KHDRBS2: variants seen among roughly 807,000 people sequenced by gnomAD.
KHDRBS2 encodes KH RNA binding domain containing, signal transduction associated 2.
KHDRBS2 carries 26 observed loss-of-function variants against 44.3 expected under a neutral mutation model. The ratio of observed to expected loss-of-function variants is 0.59; its 90% CI spans 0.43 to 0.81. The LOEUF (loss-of-function observed/expected upper bound fraction) is 0.81. Ranked by LOEUF, KHDRBS2 falls within the 40% of genes least tolerant of loss-of-function variation. KHDRBS2 has a pLI of 0.00. For synonymous variants in KHDRBS2, 194 were observed against 151.1 expected (o/e 1.28, Z -2.08); for missense variants, 476 against 433.1 (o/e 1.10, Z -0.88).
chr6:61,936,663 C>T (rs904817087), intron 4 of KHDRBS2, among the ~76,000 whole-genome samples: 8 of 151,764 alleles, frequency 5.3e-5, no homozygotes, highest in Non-Finnish European at 1.0e-4. Context: ...TTGATAAACT[C>T]TTGTTTATAG....
At chr6:62,166,893 G>T (rs1199774660) in intron 2 of KHDRBS2, among the ~76,000 whole-genome samples, 1 of 152,004 alleles carries the variant, frequency 6.6e-6, no homozygotes, top group Non-Finnish European at 1.5e-5. Flanking sequence ...CTTACTGAAG[G>T]CTCACTGAGT....
At chr6:62,139,204 A>AT (rs1554431173) in intron 2 of KHDRBS2, among the ~76,000 whole-genome samples, 1 of 152,078 alleles carries the variant, frequency 6.6e-6, no homozygotes, top group Non-Finnish European at 1.5e-5. Context: ...CAAGAGAATA[A>AT]ATATATATAT....
At chr6:61,903,307 C>T (rs1345403905) in intron 4 of KHDRBS2, among the ~76,000 whole-genome samples, 2 of 151,940 alleles carry the variant, frequency 1.3e-5, no homozygotes, top group South Asian at 2.1e-4. Flanking sequence ...CATGGATACT[C>T]GGGGTGCTTA....
chr6:61,609,183 C>G, the KHDRBS2 span, among the ~76,000 whole-genome samples: 12 of 152,134 alleles, frequency 7.9e-5, no homozygotes, highest in African/African-American at 2.7e-4. Flanking sequence ...CATGGTGAAA[C>G]CCCATTTCTA....
chr6:61,874,200 T>C (rs1346720535), intron 6 of KHDRBS2, among the ~76,000 whole-genome samples: 1 of 152,138 alleles, frequency 6.6e-6, no homozygotes, highest in African/African-American at 2.4e-5. Context: ...AAATAGTAAC[T>C]AACATTTATT....
chr6:61,822,358 T>C (rs1047359199), intron 6 of KHDRBS2, among the ~76,000 whole-genome samples: 2 of 152,018 alleles, frequency 1.3e-5, no homozygotes, highest in African/African-American at 4.8e-5. Flanking sequence ...GTATATCCAG[T>C]TAATCACTGA....
At position 61,852,696 on chromosome 6, in the gene KHDRBS2, C is replaced by A. The variant is rs141065244; in HGVS notation, c.810+41939G>T. On this transcript the variant is annotated intron_variant, in intron 6 of 8. Coordinates refer to ENST00000281156, the MANE Select transcript of KHDRBS2 (RefSeq NM_152688.4). ...TTATGGAAAGGATTTATAAGGCTAT[C>A]TTTATTTTTAAGAGAATTTTGTAAA... Among the ~76,000 whole-genome samples the A allele has an allele frequency of 2.6e-5, 4 of 151,836 alleles. No homozygotes were observed. In the East Asian group the frequency reaches 7.7e-4, roughly 29 times the overall value.
intron 3 of KHDRBS2, among the ~76,000 whole-genome samples, chr6:61,979,879 C>T (rs556914224): frequency 6.6e-6 from 1 of 152,118 alleles, no homozygotes; most frequent in Non-Finnish European, 1.5e-5. Flanking sequence ...TCAGAGATTT[C>T]TTGACACTGT....
chr6:62,074,627 G>A lies in KHDRBS2; in HGVS notation c.220-26633C>T, dbSNP rs554129539. Among the ~76,000 whole-genome samples the A allele has an allele frequency of 1.3e-4, 19 of 151,720 alleles. No homozygotes were observed. The South Asian group carries it at 3.1e-3, about 25-fold the overall frequency. On this transcript the variant is annotated intron_variant, in intron 2 of 8. Coordinates refer to ENST00000281156, the MANE Select transcript of KHDRBS2 (RefSeq NM_152688.4). ...GAGATGAATGTTTAACTAGATCAAC[G>A]TTTCAAGAACTTTAAAGTTTTTAAA...
chr6:61,931,125 T>G (rs1180913575), intron 4 of KHDRBS2, among the ~76,000 whole-genome samples: 1 of 152,060 alleles, frequency 6.6e-6, no homozygotes. Flanking sequence ...AAAAAATACT[T>G]ATATTTTGTT....
chr6:61,672,258 G>A, the KHDRBS2 span, among the ~76,000 whole-genome samples: 1 of 151,678 alleles, frequency 6.6e-6, no homozygotes, highest in East Asian at 2.0e-4. Flanking sequence ...TTGGACATTT[G>A]GGTTGGTTCC....
intron 3 of KHDRBS2, among the ~76,000 whole-genome samples, chr6:61,995,175 G>A (rs912149104): frequency 6.6e-6 from 1 of 152,000 alleles, no homozygotes; most frequent in Non-Finnish European, 1.5e-5. Context: ...CTTATTAGGG[G>A]AGATGGGGAC....
At chr6:62,102,554 CAGG>C (rs1331583904) in intron 2 of KHDRBS2, among the ~76,000 whole-genome samples, 1 of 152,202 alleles carries the variant, frequency 6.6e-6, no homozygotes, top group Non-Finnish European at 1.5e-5. Context: ...AGTGGGGTGG[CAGG>C]AAATGTGTGT....
At chr6:61,603,407 A>T in the KHDRBS2 span, among the ~76,000 whole-genome samples, 3 of 152,042 alleles carry the variant, frequency 2.0e-5, no homozygotes, top group African/African-American at 7.2e-5. Context: ...CTTTGCTTTC[A>T]CTTGGACTGA....
intron 1 of KHDRBS2, among the ~76,000 whole-genome samples, chr6:62,182,675 T>A (rs1489897022): frequency 6.6e-6 from 1 of 151,938 alleles, no homozygotes; most frequent in African/African-American, 2.4e-5. Flanking sequence ...TTTGTTATTT[T>A]GTTTTGTTTT....
chr6:61,749,009 C>CTTTT (rs34423906), intron 6 of KHDRBS2, among the ~76,000 whole-genome samples: 1,463 of 97,218 alleles, frequency 0.015, no homozygotes, highest in Non-Finnish European at 0.019. Context: ...TTCTTTCTTT[C>CTTTT]TTTTTTTTTT....
At chr6:62,265,762 AGGCAGAACAT>A (rs1839104840) in intron 1 of KHDRBS2, among the ~76,000 whole-genome samples, 1 of 152,044 alleles carries the variant, frequency 6.6e-6, no homozygotes, top group Non-Finnish European at 1.5e-5. Context: ...GCAAATGGAA[AGGCAGAACAT>A]GGCAATGGGC....
the KHDRBS2 span, among the ~76,000 whole-genome samples, chr6:61,611,236 A>G: frequency 6.6e-6 from 1 of 152,186 alleles, no homozygotes; most frequent in Non-Finnish European, 1.5e-5. Flanking sequence ...ATTCTTTCAT[A>G]TAGTCATTTA....
intron 6 of KHDRBS2, among the ~76,000 whole-genome samples, chr6:61,816,394 G>A (rs1475545476): frequency 1.3e-5 from 2 of 152,010 alleles, no homozygotes; most frequent in South Asian, 2.1e-4. Context: ...TGAAGACAGA[G>A]ACATACAGCG....
Sources: gnomAD v4.1 joint callset for allele counts (sites outside exome capture counted in the v4.1 genomes callset) on GRCh38, gnomAD v4.1.1 for gene constraint, MANE v1.5 for transcripts, NCBI Gene and HGNC (gene_info 2026-07-23, HGNC 2026-07-21) for gene names.